The following TRPC5 variants were observed in gnomAD, a reference collection of about 807,000 sequenced individuals.
TRPC5 encodes the protein short transient receptor potential channel 5.
Under a neutral mutation model 56.5 loss-of-function variants are expected in TRPC5, and 9 were observed. The observed-to-expected ratio is 0.16, with a 90% CI of 0.10 to 0.28. TRPC5 has a LOEUF of 0.28. TRPC5 is among the 10% of genes least tolerant of loss of function. The pLI, the probability that TRPC5 is intolerant of heterozygous loss-of-function variation, is 1.00. For synonymous variants in TRPC5, 282 were observed against 278.5 expected (o/e 1.01, Z -0.13); for missense variants, 469 against 748.9 (o/e 0.63, Z 4.36).
chrX:112,063,972 C>T (rs902781015), intron 1 of TRPC5, among the ~76,000 whole-genome samples: 3 of 111,385 alleles, frequency 2.7e-5, no homozygotes, highest in Non-Finnish European at 5.7e-5. Flanking sequence ...CTTACTTATT[C>T]TAAAGCCATT....
At chrX:111,902,835 G>T (rs1202728725) in intron 3 of TRPC5, 3 of 111,869 alleles carry the variant, frequency 2.7e-5, no homozygotes, top group Non-Finnish European at 5.6e-5. Context: ...TCCAGTGCAG[G>T]ACTGTTCTTG....
chrX:111,929,965 A>G (rs748569556), intron 2 of TRPC5, among the ~76,000 whole-genome samples: 2 of 111,888 alleles, frequency 1.8e-5, no homozygotes, highest in Admixed American at 1.9e-4. Context: ...CCAGCCTCCT[A>G]ACAGATACAG....
At chrX:111,948,022 A>C (rs1926975222) in intron 2 of TRPC5, among the ~76,000 whole-genome samples, 1 of 112,559 alleles carries the variant, frequency 8.9e-6, no homozygotes, top group Non-Finnish European at 1.9e-5. Context: ...CAAATATGAA[A>C]GCTATGAATT....
chrX:112,028,075 A>G lies in TRPC5; in HGVS notation c.-22+53804T>C, dbSNP rs932535402. On this transcript the variant is annotated intron_variant, in intron 1 of 10. Transcript: ENST00000262839. ...GTCCCTCAAATATCCCCATGTACAT[A>G]TTTCTTTTCTTCTTGCTAGCAAAGT... Among the ~76,000 whole-genome samples, 14 of 111,292 alleles carry G rather than the reference A, an allele frequency of 1.3e-4. No individual in the cohort carries two copies. In the Admixed American group the frequency reaches 1.3e-3, roughly 11 times the overall value.
intron 1 of TRPC5, among the ~76,000 whole-genome samples, chrX:111,975,474 C>T (rs1200538151): frequency 9.0e-6 from 1 of 110,926 alleles, no homozygotes; most frequent in Non-Finnish European, 1.9e-5. Flanking sequence ...ATGTGCACAA[C>T]GTGCAGGTCT....
rs1213097068 is a variant in TRPC5 at position 112,008,614 on chromosome X, A to ATAT, written c.-21-56174_-21-56173insATA. Among the ~76,000 whole-genome samples, 736 of 106,570 alleles carry ATAT rather than the reference A, an allele frequency of 6.9e-3. 6 individuals are homozygous for ATAT. Among genetic ancestry groups the ATAT allele is most frequent in the African/African-American group, 0.024 (685 of 28,198 alleles). The allele number at this position is 106,570 out of a possible 115,157, so 92.5% of individuals were successfully genotyped here. On this transcript the variant is annotated intron_variant, in intron 1 of 10. Transcript: ENST00000262839. ...GACTCTGTCTCAAAAAAAAAAAAAA[A>ATAT]ATATAGAGAGAAGGTGACTTTTGAG...
At chrX:111,803,976 G>A (rs1352258771) in intron 7 of TRPC5, among the ~76,000 whole-genome samples, 1 of 111,893 alleles carries the variant, frequency 8.9e-6, no homozygotes, top group Non-Finnish European at 1.9e-5. Context: ...GAGTTTTTAT[G>A]GTTTTAGGTA....
chrX:111,823,553 G>T (rs1386398784), intron 7 of TRPC5, among the ~76,000 whole-genome samples: 2 of 111,307 alleles, frequency 1.8e-5, no homozygotes, highest in Admixed American at 9.6e-5. Context: ...GGCTGTGGTT[G>T]TCTGCTTGCT....
intron 3 of TRPC5, among the ~76,000 whole-genome samples, chrX:111,876,437 C>T (rs1008250623): frequency 1.4e-4 from 16 of 111,584 alleles, no homozygotes; most frequent in African/African-American, 3.3e-4. Context: ...ATATTGGGCA[C>T]GCCGTACCCC....
At chrX:112,045,027 G>A (rs1305693246) in intron 1 of TRPC5, among the ~76,000 whole-genome samples, 8 of 112,106 alleles carry the variant, frequency 7.1e-5, no homozygotes, top group East Asian at 2.8e-4. Flanking sequence ...CTTTGCCTGC[G>A]TCACAAGGGT....
At chrX:111,879,485 G>T (rs902777463) in intron 3 of TRPC5, among the ~76,000 whole-genome samples, 2 of 112,019 alleles carry the variant, frequency 1.8e-5, no homozygotes, top group African/African-American at 6.5e-5. Context: ...CCTTGCTATT[G>T]CCCTTGAATC....
At chrX:111,972,633 G>T (rs1927815954) in intron 1 of TRPC5, among the ~76,000 whole-genome samples, 1 of 112,371 alleles carries the variant, frequency 8.9e-6, no homozygotes, top group Non-Finnish European at 1.9e-5. Context: ...TGTGGTTAGA[G>T]GAGCTTGGTC....
intron 7 of TRPC5, among the ~76,000 whole-genome samples, chrX:111,801,721 C>T (rs1372560345): frequency 9.0e-6 from 1 of 111,721 alleles, no homozygotes; most frequent in Non-Finnish European, 1.9e-5. Flanking sequence ...TATCCTTTGC[C>T]CACTTAAAAA....
At chrX:111,960,484 G>A (rs1294554346) in intron 1 of TRPC5, among the ~76,000 whole-genome samples, 3 of 112,192 alleles carry the variant, frequency 2.7e-5, no homozygotes, top group Non-Finnish European at 5.6e-5. Flanking sequence ...CTGCATGGGG[G>A]ATTTTAAATC....
intron 3 of TRPC5, chrX:111,896,406 G>C (rs1925066786): frequency 9.2e-6 from 1 of 108,856 alleles, no homozygotes; most frequent in Non-Finnish European, 1.9e-5. Flanking sequence ...TGTTGTTGCA[G>C]GAGCGTTCAC....
chrX:111,996,349 C>T (rs1228794968), intron 1 of TRPC5, among the ~76,000 whole-genome samples: 3 of 112,020 alleles, frequency 2.7e-5, no homozygotes, highest in Non-Finnish European at 1.9e-5. Context: ...GTCTGAGAGA[C>T]AGTTTGTTGT....
intron 9 of TRPC5, among the ~76,000 whole-genome samples, chrX:111,780,270 A>T (rs1479921245): frequency 9.1e-6 from 1 of 109,530 alleles, no homozygotes; most frequent in African/African-American, 3.4e-5. Flanking sequence ...AGAGTGTCCT[A>T]ATGTTTATTA....
intron 1 of TRPC5, among the ~76,000 whole-genome samples, chrX:112,009,600 G>C (rs1287871382): frequency 8.9e-6 from 1 of 111,852 alleles, no homozygotes; most frequent in Non-Finnish European, 1.9e-5. Context: ...GGATGCCTCA[G>C]AAGAGGGAGC....
intron 3 of TRPC5, among the ~76,000 whole-genome samples, chrX:111,879,725 G>GATT (rs1569527140): frequency 8.9e-6 from 1 of 112,618 alleles, no homozygotes; most frequent in Non-Finnish European, 1.9e-5. Context: ...AGATAGGCAT[G>GATT]ATTAGTATCT....
Sources: allele counts gnomAD v4.1 joint callset (sites outside exome capture counted in the v4.1 genomes callset), GRCh38; gene constraint gnomAD v4.1.1; transcripts MANE v1.5; gene names NCBI Gene and HGNC (gene_info 2026-07-23, HGNC 2026-07-21).